The following CEP192 variants were observed in gnomAD, a reference collection of about 807,000 sequenced individuals.
The protein encoded by CEP192 is centrosomal protein of 192 kDa.
In CEP192, 151 loss-of-function variants were observed where a neutral mutation model predicts 271.8. That is an observed-to-expected ratio of 0.56 (90% CI 0.49 to 0.64). The LOEUF (loss-of-function observed/expected upper bound fraction) is 0.64. Among genes scored for constraint, CEP192 ranks in the 30% least tolerant of loss-of-function variants. The pLI is 0.00. For synonymous variants in CEP192, 995 were observed against 1,076.5 expected (o/e 0.92, Z 1.48); for missense variants, 2,910 against 3,020.5 (o/e 0.96, Z 0.86).
At chr18:12,992,394 T>C (rs2032920986) in intron 1 of CEP192, among the ~76,000 whole-genome samples, 1 of 152,242 alleles carries the variant, frequency 6.6e-6, no homozygotes, top group African/African-American at 2.4e-5. Context: ...ATGTGTTTAA[T>C]TGTATACATA....
At chr18:13,051,734 G>A (rs1053829772) in intron 17 of CEP192, among the ~76,000 whole-genome samples, 4 of 151,966 alleles carry the variant, frequency 2.6e-5, no homozygotes, top group African/African-American at 9.7e-5. Context: ...TAGTAGAGAC[G>A]GGATTTCACC....
intron 30 of CEP192, among the ~76,000 whole-genome samples, chr18:13,078,447 A>G (rs1016986908): frequency 6.6e-6 from 1 of 152,052 alleles, no homozygotes; most frequent in Non-Finnish European, 1.5e-5. Flanking sequence ...GGTATATACC[A>G]AGTAATGGGA....
In CEP192 at chr18:13,052,981, T is replaced by G; in HGVS notation, c.3080T>G (p.Leu1027Trp). The G allele has an allele frequency of 1.2e-6, 2 of 1,613,850 alleles. No individual in the cohort carries two copies. Among genetic ancestry groups the G allele is most frequent in the South Asian group, 2.2e-5 (2 of 91,034 alleles). The stretch of plus-strand genomic sequence containing the variant: ...CAGCAGCCTCCCTGTGAGCAGGAGT[T>G]GTCTCCCTTGGTGTGCTCGCCTGCT... ...QQQQPPCEQE[L>W]SPLVCSPAGV... The change falls in exon 18 of 45, where the codon TTG (leucine) becomes TGG (tryptophan). Residue 1027 changes from leucine to tryptophan, a missense_variant. Coordinates refer to ENST00000506447, the MANE Select transcript of CEP192 (RefSeq NM_032142.4).
intron 37 of CEP192, 76 bp downstream of exon 37, chr18:13,099,657 G>T: frequency 1.4e-6 from 1 of 698,112 alleles, no homozygotes. Context: ...ATCCTTATTA[G>T]CACTTAATTT....
intron 44 of CEP192, among the ~76,000 whole-genome samples, chr18:13,117,970 G>A (rs1422017065): frequency 6.6e-6 from 1 of 152,198 alleles, no homozygotes; most frequent in East Asian, 1.9e-4. Flanking sequence ...TCTTTCAAAT[G>A]TTATTTGCAC....
intron 15 of CEP192, among the ~76,000 whole-genome samples, chr18:13,045,084 T>G (rs1568327438): frequency 1.3e-5 from 2 of 152,190 alleles, no homozygotes; most frequent in South Asian, 4.1e-4. Flanking sequence ...TATCTTAGGT[T>G]GTTAAGCTAT....
intron 18 of CEP192, among the ~76,000 whole-genome samples, chr18:13,054,232 A>G (rs2036960888): frequency 6.6e-6 from 1 of 152,234 alleles, no homozygotes; most frequent in Admixed American, 6.5e-5. Context: ...GTAGTGGTTC[A>G]GGCAAGAGAC....
chr18:13,034,124 T>G (rs2035783177), intron 11 of CEP192, among the ~76,000 whole-genome samples: 1 of 152,166 alleles, frequency 6.6e-6, no homozygotes, highest in Non-Finnish European at 1.5e-5. Context: ...TTAGATGTAT[T>G]ACTATTAAAA....
intron 30 of CEP192, among the ~76,000 whole-genome samples, chr18:13,085,988 C>T (rs896377608): frequency 1.3e-4 from 20 of 151,966 alleles, no homozygotes; most frequent in Admixed American, 1.3e-3. Flanking sequence ...TTACTTTGGG[C>T]AGTATGGCCA....
At position 13,022,367 on chromosome 18, in the gene CEP192, A is replaced by AT. The variant is rs972192108; in HGVS notation, c.1050+3172dup. Among the ~76,000 whole-genome samples, 145 of 145,188 alleles carry AT rather than the reference A, an allele frequency of 1.0e-3. No homozygotes were observed. The Middle Eastern group carries it at 0.01, about 10-fold the overall frequency. ...TCTTTTGCCTCTTTGTGTAAACTTT[A>AT]TTTTTTTTTTTAATTTTTCTTTTTA... On this transcript the variant is annotated intron_variant, in intron 9 of 44. Transcript: ENST00000506447.
intron 35 of CEP192, among the ~76,000 whole-genome samples, 184 bp from the exon 36 acceptor site, chr18:13,096,000 G>A (rs1468562566): frequency 6.6e-6 from 1 of 152,166 alleles, no homozygotes; most frequent in Non-Finnish European, 1.5e-5. Flanking sequence ...AAGCAGTGAC[G>A]ATTTCCAGGA....
intron 4 of CEP192, among the ~76,000 whole-genome samples, chr18:13,010,552 AG>A (rs1348240617): frequency 1.3e-5 from 2 of 152,248 alleles, no homozygotes; most frequent in East Asian, 3.8e-4. Flanking sequence ...CTATCAAGAA[AG>A]GAAAAAGACG....
At chr18:13,025,301 C>G (rs536016389) in intron 9 of CEP192, among the ~76,000 whole-genome samples, 19 of 152,194 alleles carry the variant, frequency 1.2e-4, no homozygotes, top group African/African-American at 4.6e-4. Context: ...ACTACAGCCT[C>G]GAACTGCTAA....
At chr18:13,105,980 C>T (rs971518229) in intron 40 of CEP192, among the ~76,000 whole-genome samples, 1 of 152,198 alleles carries the variant, frequency 6.6e-6, no homozygotes, top group African/African-American at 2.4e-5. Context: ...AAAACCCCAG[C>T]TGGGCCCAAA....
At chr18:13,099,273 T>A (rs915889910) in intron 36 of CEP192, among the ~76,000 whole-genome samples, 7 of 151,614 alleles carry the variant, frequency 4.6e-5, no homozygotes, top group African/African-American at 1.7e-4. Context: ...TGCTGGTGAG[T>A]TCCTTGTAAC....
chr18:13,021,005 C>T (rs1005218789), intron 9 of CEP192, among the ~76,000 whole-genome samples: 2 of 151,984 alleles, frequency 1.3e-5, no homozygotes, highest in Non-Finnish European at 2.9e-5. Context: ...AATTTTCCTC[C>T]CATTCTGTAG....
intron 1 of CEP192, among the ~76,000 whole-genome samples, chr18:12,992,764 G>GA (rs2032952698): frequency 1.3e-5 from 2 of 152,182 alleles, no homozygotes; most frequent in African/African-American, 4.8e-5. Flanking sequence ...CTCTGTTGAA[G>GA]CACTTAACAC....
At chr18:12,992,339 G>C (rs1380454888) in intron 1 of CEP192, among the ~76,000 whole-genome samples, 1 of 152,124 alleles carries the variant, frequency 6.6e-6, no homozygotes, top group Non-Finnish European at 1.5e-5. Flanking sequence ...GATGAGTTTT[G>C]GGGAAGTTTG....
chr18:13,030,913 T>C (rs900959333), intron 11 of CEP192, among the ~76,000 whole-genome samples: 2 of 152,178 alleles, frequency 1.3e-5, no homozygotes, highest in African/African-American at 4.8e-5. Flanking sequence ...CTTTAAAATT[T>C]GTGACCTGAG....
Sources: allele counts gnomAD v4.1 joint callset (sites outside exome capture counted in the v4.1 genomes callset), GRCh38; gene constraint gnomAD v4.1.1; transcripts MANE v1.5; gene names NCBI Gene and HGNC (gene_info 2026-07-23, HGNC 2026-07-21).